The following MACROD2 variants were observed in gnomAD, a reference collection of about 807,000 sequenced individuals.
MACROD2 encodes mono-ADP ribosylhydrolase 2, also known as ADP-ribose glycohydrolase MACROD2.
MACROD2 carries 36 observed loss-of-function variants against 70.4 expected under a neutral mutation model. The observed-to-expected ratio is 0.51, with a 90% CI of 0.39 to 0.68. The LOEUF (loss-of-function observed/expected upper bound fraction) is 0.68. Among genes scored for constraint, MACROD2 ranks in the 30% least tolerant of loss-of-function variants. The pLI, the probability that MACROD2 is intolerant of heterozygous loss-of-function variation, is 0.00. For missense variants in MACROD2, 496 were observed against 538.4 expected, an observed-to-expected ratio of 0.92 and a Z score of 0.78; for synonymous variants, 172 against 178.8, an observed-to-expected ratio of 0.96 and a Z score of 0.30.
chr20:15,072,731 C>T (rs771040181), intron 5 of MACROD2, among the ~76,000 whole-genome samples: 1 of 152,162 alleles, frequency 6.6e-6, no homozygotes, highest in Admixed American at 6.5e-5. Flanking sequence ...GGATATTTTA[C>T]TCAATATTAA....
intron 5 of MACROD2, among the ~76,000 whole-genome samples, chr20:15,142,417 C>CAT (rs907992981): frequency 9.9e-5 from 15 of 152,212 alleles, no homozygotes; most frequent in Non-Finnish European, 1.3e-4. Flanking sequence ...AATATTTGTT[C>CAT]ATATATATAC....
At chr20:14,729,896 T>A (rs1354320717) in intron 5 of MACROD2, among the ~76,000 whole-genome samples, 1 of 152,080 alleles carries the variant, frequency 6.6e-6, no homozygotes, top group East Asian at 1.9e-4. Flanking sequence ...AACTAAGTAT[T>A]TGCATTACAT....
At chr20:15,420,562 G>C (rs1192939106) in intron 6 of MACROD2, among the ~76,000 whole-genome samples, 2 of 151,554 alleles carry the variant, frequency 1.3e-5, no homozygotes, top group African/African-American at 4.9e-5. Flanking sequence ...GTTTTTGAAG[G>C]AGACGGCATC....
chr20:14,164,077 A>C, intron 3 of MACROD2, among the ~76,000 whole-genome samples: 1 of 149,846 alleles, frequency 6.7e-6, no homozygotes, highest in Non-Finnish European at 1.5e-5. Context: ...GCTTCTTTCA[A>C]CTTTTTTGAG....
At chr20:14,237,953 C>A (rs6079367) in intron 3 of MACROD2, among the ~76,000 whole-genome samples, 147,066 of 151,766 alleles carry the variant, frequency 0.97, 71,275 homozygotes, top group Admixed American at 0.99. Context: ...ATTGTTGGAC[C>A]TTTGGGTTGG....
At chr20:15,985,399 T>C (rs2147465063) in intron 13 of MACROD2, among the ~76,000 whole-genome samples, 1 of 152,180 alleles carries the variant, frequency 6.6e-6, no homozygotes, top group Non-Finnish European at 1.5e-5. Context: ...GCAATTCAAG[T>C]CAAGTCAAAA....
chr20:14,151,877 A>G (rs370530604), intron 3 of MACROD2, among the ~76,000 whole-genome samples: 2 of 120,850 alleles, frequency 1.7e-5, no homozygotes, highest in East Asian at 5.3e-4. Context: ...GCTGGAGTGC[A>G]GTGGCACAAT....
chr20:14,462,937 G>A (rs1266951933), intron 3 of MACROD2, among the ~76,000 whole-genome samples: 3 of 152,038 alleles, frequency 2.0e-5, no homozygotes, highest in African/African-American at 7.3e-5. Flanking sequence ...GGTTACTGTA[G>A]CCTTGTAGTA....
intron 3 of MACROD2, among the ~76,000 whole-genome samples, chr20:14,193,490 C>T (rs1179450814): frequency 6.6e-6 from 1 of 152,118 alleles, no homozygotes; most frequent in Non-Finnish European, 1.5e-5. Context: ...GGACTACTTA[C>T]AAAGGAATGG....
intron 3 of MACROD2, among the ~76,000 whole-genome samples, chr20:14,216,034 C>CT (rs903951554): frequency 3.6e-4 from 54 of 151,028 alleles, no homozygotes; most frequent in South Asian, 1.9e-3. Context: ...AGCTATTTAT[C>CT]TTTTTTTTTA....
intron 3 of MACROD2, among the ~76,000 whole-genome samples, chr20:14,146,998 TG>T (rs959197312): frequency 3.3e-5 from 5 of 152,256 alleles, no homozygotes; most frequent in Non-Finnish European, 5.9e-5. Flanking sequence ...TGAGAACTCC[TG>T]GGGGTGAGAG....
At chr20:15,466,469 C>A (rs140997956) in intron 7 of MACROD2, among the ~76,000 whole-genome samples, 1 of 152,152 alleles carries the variant, frequency 6.6e-6, no homozygotes, top group Non-Finnish European at 1.5e-5. Flanking sequence ...ACAAAGTGAA[C>A]GGTGGCATTT....
At chr20:14,227,852 T>A (rs948907800) in intron 3 of MACROD2, among the ~76,000 whole-genome samples, 3 of 152,186 alleles carry the variant, frequency 2.0e-5, no homozygotes, top group Non-Finnish European at 1.5e-5. Context: ...AAATACATGG[T>A]CCAGGATTTA....
chr20:15,007,768 T>C (rs541492244), intron 5 of MACROD2, among the ~76,000 whole-genome samples: 1 of 152,296 alleles, frequency 6.6e-6, no homozygotes, highest in African/African-American at 2.4e-5. Context: ...TCAGGGGGCG[T>C]CTACCTCCAA....
At chr20:15,159,004 T>C (rs556481703) in intron 5 of MACROD2, among the ~76,000 whole-genome samples, 7 of 152,250 alleles carry the variant, frequency 4.6e-5, no homozygotes, top group Non-Finnish European at 8.8e-5. Context: ...GGCCAGTATC[T>C]GCAATACATT....
chr20:14,963,912 A>G (rs188134272), intron 5 of MACROD2, among the ~76,000 whole-genome samples: 1 of 152,192 alleles, frequency 6.6e-6, no homozygotes, highest in East Asian at 1.9e-4. Flanking sequence ...AGGGAAATGC[A>G]TAGGATATCA....
At chr20:15,373,542 C>T (rs2045521715) in intron 6 of MACROD2, among the ~76,000 whole-genome samples, 1 of 152,094 alleles carries the variant, frequency 6.6e-6, no homozygotes, top group South Asian at 2.1e-4. Context: ...GTAGCTTGGA[C>T]TACAGGCATG....
intron 3 of MACROD2, among the ~76,000 whole-genome samples, chr20:14,474,056 T>C (rs2084561159): frequency 6.6e-6 from 1 of 152,162 alleles, no homozygotes; most frequent in Middle Eastern, 3.4e-3. Flanking sequence ...TTCCTTATAT[T>C]TTCTGGATAT....
At chr20:14,485,742 G>C (rs1268300386) in intron 3 of MACROD2, among the ~76,000 whole-genome samples, 1 of 150,222 alleles carries the variant, frequency 6.7e-6, no homozygotes, top group Non-Finnish European at 1.5e-5. Context: ...AGAAAAGTAT[G>C]GAAGGGAATG....
Sources: gnomAD v4.1 joint callset for allele counts (sites outside exome capture counted in the v4.1 genomes callset) on GRCh38, gnomAD v4.1.1 for gene constraint, MANE v1.5 for transcripts, NCBI Gene and HGNC (gene_info 2026-07-23, HGNC 2026-07-21) for gene names.